CYP7B1: variants seen among roughly 807,000 people sequenced by gnomAD.
CYP7B1 encodes cytochrome P450 7B1.
CYP7B1 carries 29 observed loss-of-function variants against 42.7 expected under a neutral mutation model. The observed-to-expected ratio is 0.68, with a 90% CI of 0.51 to 0.93. The LOEUF is 0.93. Ranked by LOEUF, CYP7B1 falls within the 40% of genes least tolerant of loss-of-function variation. The pLI, the probability that CYP7B1 is intolerant of heterozygous loss-of-function variation, is 0.00. For missense variants in CYP7B1, 655 were observed against 600.5 expected, an observed-to-expected ratio of 1.09 and a Z score of -0.95; for synonymous variants, 235 against 218.2, an observed-to-expected ratio of 1.08 and a Z score of -0.68.
intron 1 of CYP7B1, among the ~76,000 whole-genome samples, chr8:64,793,191 T>C (rs1288707138): frequency 6.6e-6 from 1 of 152,136 alleles, no homozygotes; most frequent in Non-Finnish European, 1.5e-5. Context: ...GAATTGTAAG[T>C]TAAAAATAAA....
intron 1 of CYP7B1, among the ~76,000 whole-genome samples, chr8:64,738,320 A>C (rs1021329468): frequency 6.6e-6 from 1 of 152,242 alleles, no homozygotes; most frequent in South Asian, 2.1e-4. Context: ...TTTTTCAAAA[A>C]CTGAATTTCT....
At chr8:64,699,514 G>A (rs1047592855) in intron 1 of CYP7B1, among the ~76,000 whole-genome samples, 2 of 152,038 alleles carry the variant, frequency 1.3e-5, no homozygotes, top group African/African-American at 4.8e-5. Flanking sequence ...ACATTCAAGA[G>A]AGATGTATGA....
chr8:64,720,229 T>TA (rs1347559992), intron 1 of CYP7B1, among the ~76,000 whole-genome samples: 1 of 152,152 alleles, frequency 6.6e-6, no homozygotes, highest in African/African-American at 2.4e-5. Flanking sequence ...AAAGCTGAAT[T>TA]AAAAAAAGAC....
rs57590025 is a variant in CYP7B1 at position 64,593,232 on chromosome 8, GGTGTGTGTGTGTGTGT to G, written c.*3394_*3409del. 2.1e-3 allele frequency among the ~76,000 whole-genome samples: 258 copies of G among 123,444 alleles called. 1 individual carries two copies. The highest frequency in any genetic ancestry group is 5.1e-3 in the African/African-American group (181 of 35,154). 81.0% of individuals were successfully genotyped at this position (123,444 alleles called of 152,430 possible). A position where few individuals can be genotyped will look rare whatever the true frequency, so the allele number is the denominator to read the frequency against. ...TGGTGGACTAAAGGCTAGGGCCCAG[GGTGTGTGTGTGTGTGT>G]GTGTGTGTGTGTGTGTGTGTGTGTG... On this transcript the variant is annotated 3_prime_UTR_variant, in exon 6 of 6. Coordinates refer to ENST00000310193, the MANE Select transcript of CYP7B1 (RefSeq NM_004820.5).
intron 1 of CYP7B1, chr8:64,703,665 T>C (rs1432365193): frequency 6.6e-6 from 1 of 152,012 alleles, no homozygotes; most frequent in African/African-American, 2.4e-5. Flanking sequence ...TATATGAATA[T>C]TTAGAAAACA....
intron 1 of CYP7B1, among the ~76,000 whole-genome samples, chr8:64,667,310 G>A (rs929133999): frequency 3.1e-5 from 4 of 130,434 alleles, no homozygotes; most frequent in South Asian, 2.9e-4. Context: ...ACATTCCCTC[G>A]GGGGGCTCAT....
At chr8:64,612,728 T>C (rs1307395065) in intron 4 of CYP7B1, among the ~76,000 whole-genome samples, 2 of 152,128 alleles carry the variant, frequency 1.3e-5, no homozygotes, top group African/African-American at 4.8e-5. Context: ...ATCATTGTAA[T>C]CTTTTTTCCT....
At chr8:64,697,724 T>C (rs1474156371) in intron 1 of CYP7B1, among the ~76,000 whole-genome samples, 4 of 152,200 alleles carry the variant, frequency 2.6e-5, no homozygotes, top group African/African-American at 9.6e-5. Context: ...CCAGAGACTA[T>C]GTAGCATCCC....
At chr8:64,672,509 A>G (rs1806381719) in intron 1 of CYP7B1, among the ~76,000 whole-genome samples, 1 of 152,150 alleles carries the variant, frequency 6.6e-6, no homozygotes, top group Non-Finnish European at 1.5e-5. Context: ...TTCATGAGAA[A>G]CAAAAGATCC....
At chr8:64,606,763 C>T (rs34133664) in intron 4 of CYP7B1, among the ~76,000 whole-genome samples, 2 of 152,166 alleles carry the variant, frequency 1.3e-5, no homozygotes, top group Non-Finnish European at 2.9e-5. Flanking sequence ...TTGGCTCTCG[C>T]TCTGAGCCAT....
At chr8:64,709,842 G>A (rs1807055161) in intron 1 of CYP7B1, among the ~76,000 whole-genome samples, 2 of 152,228 alleles carry the variant, frequency 1.3e-5, no homozygotes, top group South Asian at 4.2e-4. Flanking sequence ...GATTGCAGAG[G>A]ATTTGATTTC....
intron 1 of CYP7B1, among the ~76,000 whole-genome samples, chr8:64,703,196 G>A (rs1806943567): frequency 6.6e-6 from 1 of 151,776 alleles, no homozygotes; most frequent in African/African-American, 2.4e-5. Flanking sequence ...CTTTTTAAAT[G>A]CTTCTATTCT....
In CYP7B1 at chr8:64,688,217, A is replaced by G. The variant is rs1185445576; in HGVS notation, c.123-63678T>C. Among the ~76,000 whole-genome samples the G allele has an allele frequency of 2.6e-5, 4 of 152,238 alleles. No homozygotes were observed. The South Asian group carries it at 8.3e-4, about 31-fold the overall frequency. On this transcript the variant is annotated intron_variant, in intron 1 of 5. Transcript: ENST00000310193. The stretch of plus-strand genomic sequence containing the variant: ...CTGTGAAGGTCCTGCAGCAATGCCC[A>G]GAAGCCCACTTCTACTCTTCTATCT...
At chr8:64,684,368 A>C (rs965698873) in intron 1 of CYP7B1, among the ~76,000 whole-genome samples, 1 of 152,238 alleles carries the variant, frequency 6.6e-6, no homozygotes, top group Non-Finnish European at 1.5e-5. Flanking sequence ...ACTGAGAGCG[A>C]TAACAATATC....
At chr8:64,667,019 A>G (rs1256822162) in intron 1 of CYP7B1, among the ~76,000 whole-genome samples, 1 of 152,184 alleles carries the variant, frequency 6.6e-6, no homozygotes, top group Non-Finnish European at 1.5e-5. Context: ...TGGAAATATC[A>G]GGATATTATA....
chr8:64,699,764 G>C (rs957814155), intron 1 of CYP7B1, among the ~76,000 whole-genome samples: 2 of 151,950 alleles, frequency 1.3e-5, no homozygotes, highest in African/African-American at 4.8e-5. Flanking sequence ...AAAATTACTG[G>C]AAAACCCTCA....
chr8:64,676,015 CG>C (rs368501260), intron 1 of CYP7B1, among the ~76,000 whole-genome samples: 148 of 152,176 alleles, frequency 9.7e-4, no homozygotes, highest in African/African-American at 3.4e-3. Flanking sequence ...CTCCCCAGTC[CG>C]GACAGAGTGC....
intron 1 of CYP7B1, among the ~76,000 whole-genome samples, chr8:64,696,335 T>C (rs1332553098): frequency 2.0e-5 from 3 of 152,204 alleles, no homozygotes; most frequent in African/African-American, 7.2e-5. Context: ...ATCAAACATT[T>C]AGCCTTTATA....
chr8:64,672,270 C>A (rs1049982572), intron 1 of CYP7B1, among the ~76,000 whole-genome samples: 1 of 152,052 alleles, frequency 6.6e-6, no homozygotes, highest in South Asian at 2.1e-4. Flanking sequence ...ACTGGAGGCT[C>A]TTGTTTCTCA....
Sources: allele counts gnomAD v4.1 joint callset (sites outside exome capture counted in the v4.1 genomes callset), GRCh38; gene constraint gnomAD v4.1.1; transcripts MANE v1.5; gene names NCBI Gene and HGNC (gene_info 2026-07-23, HGNC 2026-07-21).